The following EPHB4 variants were observed in gnomAD, a reference collection of about 807,000 sequenced individuals.
EPHB4 encodes EPH receptor B4.
A neutral mutation model predicts 110.6 loss-of-function variants in EPHB4; 50 were observed. The ratio of observed to expected loss-of-function variants is 0.45; its 90% CI spans 0.36 to 0.57. The LOEUF is 0.57. Among genes scored for constraint, EPHB4 ranks in the 20% least tolerant of loss-of-function variants. The pLI is 0.00. For missense variants in EPHB4, 1,128 were observed against 1,382.1 expected, an observed-to-expected ratio of 0.82 and a Z score of 2.91; for synonymous variants, 592 against 578.4, an observed-to-expected ratio of 1.02 and a Z score of -0.34.
In EPHB4 at chr7:100,820,306, A is replaced by T. The variant is rs2116452434; in HGVS notation, c.809-10T>A. On this transcript the variant is annotated splice_polypyrimidine_tract_variant and intron_variant, in intron 4 of 16. Transcript: ENST00000358173. Reference sequence around the variant, plus strand: ...GTGCCCTGGGCACAGGCTGAGAGAGAGAAAGCATTCATCAAAAGCATGCAC... The same window carrying T: ...GTGCCCTGGGCACAGGCTGAGAGAGTGAAAGCATTCATCAAAAGCATGCAC... The T allele has an allele frequency of 6.2e-7, 1 of 1,612,538 alleles. No individual in the cohort carries two copies. Among genetic ancestry groups the T allele is most frequent in the Non-Finnish European group, 8.5e-7 (1 of 1,179,542 alleles).
At chr7:100,808,466 A>G (rs1490446260) in intron 12 of EPHB4, among the ~76,000 whole-genome samples, 1 of 152,098 alleles carries the variant, frequency 6.6e-6, no homozygotes, top group Non-Finnish European at 1.5e-5. Context: ...GCCTCAAGCA[A>G]TCTTCCCACC....
At position 100,818,607 on chromosome 7, in the gene EPHB4, G is replaced by C. The variant is rs995055863; in HGVS notation, c.1335C>G (p.Ser445=). 1.9e-6 allele frequency: 3 copies of C among 1,612,884 alleles called. No homozygotes were observed. Among genetic ancestry groups the C allele is most frequent in the Non-Finnish European group, 8.5e-7 (1 of 1,180,004 alleles). The change falls in exon 7 of 17, where the codon TCC becomes TCG. Residue 445 remains serine, a synonymous_variant. Transcript: ENST00000358173. The stretch of plus-strand genomic sequence containing the variant: ...AGGCCAGGCTCAAGCTGCTGGGTGA[G>C]GACCGCGTCACCCGGATGTCAGACA... ...PAVSDIRVTR[S]SPSSLSLAWA...
At chr7:100,815,983 T>C (rs1813056952) in intron 8 of EPHB4, among the ~76,000 whole-genome samples, 1 of 149,536 alleles carries the variant, frequency 6.7e-6, no homozygotes, top group Non-Finnish European at 1.5e-5. Flanking sequence ...AAAGACCGTG[T>C]CTCTTAAAAA....
In EPHB4 at chr7:100,822,019, G is replaced by A. The variant is rs555300278; in HGVS notation, c.808+252C>T. ...CTACTAAAATACAAAAATTAGCCGG[G>A]CGTGGTGGCGTGTGCCTGTAGTCCC... On this transcript the variant is annotated intron_variant, in intron 4 of 16. Transcript: ENST00000358173. The surrounding 1 kb of genome is among the most constrained non-coding windows in gnomAD (Gnocchi z 4.7). Among the ~76,000 whole-genome samples, 31 of 152,142 alleles carry A rather than the reference G, an allele frequency of 2.0e-4. No individual in the cohort carries two copies. Among genetic ancestry groups the A allele is most frequent in the Non-Finnish European group, 2.1e-4 (14 of 68,028 alleles).
At chr7:100,816,570 G>C (rs1172913720) in intron 8 of EPHB4, among the ~76,000 whole-genome samples, 1 of 151,148 alleles carries the variant, frequency 6.6e-6, no homozygotes, top group Admixed American at 6.6e-5. Flanking sequence ...CTGACCTCAA[G>C]TGATCCTCCT....
Position 100,812,771 on chromosome 7 carries a change from G to C in EPHB4, c.2094C>G (p.Asn698Lys). The C allele has an allele frequency of 6.2e-7, 1 of 1,613,956 alleles. No homozygotes were observed. The highest frequency in any genetic ancestry group is 8.5e-7 in the Non-Finnish European group (1 of 1,180,026). ...PVMILTEFME[N>K]GALDSFLRLN... ...CCCGCAGGAAGGAGTCCAGGGCGCC[G>C]TTCTCCATGAACTCTGTGAGAATCA... The change falls in exon 12 of 17, where the codon AAC becomes AAG. Residue 698 changes from asparagine (N) to lysine (K), a missense_variant. Physicochemically the swap from Asn to Lys is moderately conservative, Grantham distance 94. Transcript: ENST00000358173.
chr7:100,806,636 C>A, intron 13 of EPHB4, 67 bp from the exon 14 acceptor site: 1 of 1,513,052 alleles, frequency 6.6e-7, no homozygotes. Flanking sequence ...CAGCACACTG[C>A]CCCCCAGTCC....
At chr7:100,815,343 C>T (rs1813043287) in intron 8 of EPHB4, among the ~76,000 whole-genome samples, 1 of 151,748 alleles carries the variant, frequency 6.6e-6, no homozygotes, top group Non-Finnish European at 1.5e-5. Flanking sequence ...AAAAAACAAA[C>T]CACAACCAAA....
In EPHB4 at chr7:100,819,541, A is replaced by C; in HGVS notation, c.1297+16T>G. ...CTCCCGCCAGACCACCAGCCGCCCC[A>C]GCCCCCAAGTCTCACCCTCTCGGTC... is the stretch of plus-strand genomic sequence containing the variant. On this transcript the variant is annotated intron_variant, in intron 6 of 16. Coordinates refer to ENST00000358173, the MANE Select transcript of EPHB4 (RefSeq NM_004444.5). The C allele has an allele frequency of 6.5e-7, 1 of 1,536,826 alleles. No individual in the cohort carries two copies. Among genetic ancestry groups the C allele is most frequent in the Non-Finnish European group, 8.8e-7 (1 of 1,138,034 alleles).
At position 100,827,134 on chromosome 7, in the gene EPHB4, C is replaced by G; in HGVS notation, c.-104G>C. ...GTGGACGCCGATACTCCGCGCGGGACTCCTCGTCGGGGCCCTCAGCGCGGG... is the reference window on the plus strand; with the variant it reads ...GTGGACGCCGATACTCCGCGCGGGAGTCCTCGTCGGGGCCCTCAGCGCGGG... On this transcript the variant is annotated 5_prime_UTR_variant, in exon 1 of 17. Coordinates refer to ENST00000358173, the MANE Select transcript of EPHB4 (RefSeq NM_004444.5). 7.6e-7 allele frequency: 1 copy of G among 1,308,426 alleles called. No homozygotes were observed. The allele number at this position is 1,308,426 out of a possible 1,614,324, so 81.1% of individuals were successfully genotyped here.
rs747346450 is a variant in EPHB4 at position 100,819,698 on chromosome 7, G to A, written c.1156C>T (p.Leu386=). 3.1e-6 allele frequency: 5 copies of A among 1,613,572 alleles called. No individual in the cohort carries two copies. The highest frequency in any genetic ancestry group is 4.2e-6 in the Non-Finnish European group (5 of 1,179,960). ...CGAACCACCACCCAGGGCTCCACCA[G>A]GTCCCGGGGGCCGGGGTCAAAAGTC... The part of the protein sequence containing the change: ...DLTFDPGPRD[L]VEPWVVVRGL... Residue 386 remains leucine (L), a synonymous_variant, in exon 6 of 17, where the codon CTG becomes TTG. Transcript: ENST00000358173.
chr7:100,819,287 A>AT (rs1813159322), intron 6 of EPHB4, among the ~76,000 whole-genome samples: 1 of 109,270 alleles, frequency 9.2e-6, no homozygotes. Flanking sequence ...TAATATTTTT[A>AT]TTTTTTGTAG....
chr7:100,817,312 T>A lies in EPHB4; in HGVS notation c.1468A>T (p.Asn490Tyr). The change falls in exon 8 of 17, where the codon AAC becomes TAC. Residue 490 changes from asparagine (N) to tyrosine (Y), a missense_variant. Physicochemically the swap from Asn to Tyr is moderately radical, Grantham distance 143. Around this residue, in one of 3 missense-constraint regions of EPHB4, gnomAD observed 728 missense variants for 828.6 expected, o/e 0.88. Coordinates refer to ENST00000358173, the MANE Select transcript of EPHB4 (RefSeq NM_004444.5). ...SSVRFLKTSE[N>Y]RAELRGLKRG... ...TTCAGCCCCCGCAGCTCTGCCCGGT[T>A]TTCTGACGTCTTCAGGAACCGCACG... 1 of 1,590,982 alleles carries A rather than the reference T, an allele frequency of 6.3e-7. No homozygotes were observed. The highest frequency in any genetic ancestry group is 8.5e-7 in the Non-Finnish European group (1 of 1,169,704).
At position 100,802,659 on chromosome 7, in the gene EPHB4, C is replaced by T. The variant is rs1350360687; in HGVS notation, c.*802G>A. Reference sequence around the variant, plus strand: ...AAGAACCCCTCCAAGCACCGGCGTCCGTTTCTGGGTTCCACCACCAACTAC... The same window carrying T: ...AAGAACCCCTCCAAGCACCGGCGTCTGTTTCTGGGTTCCACCACCAACTAC... On this transcript the variant is annotated 3_prime_UTR_variant, in exon 17 of 17. Transcript: ENST00000358173. 1 of 152,202 alleles carries T rather than the reference C, an allele frequency of 6.6e-6. No homozygotes were observed. Among genetic ancestry groups the T allele is most frequent in the African/African-American group, 2.4e-5 (1 of 41,450 alleles). 9.4% of individuals were successfully genotyped at this position (152,202 alleles called of 1,614,324 possible).
At chr7:100,820,327 T>G (rs775278823) in intron 4 of EPHB4, 31 bp from the exon 5 acceptor site, 1 of 1,608,340 alleles carries the variant, frequency 6.2e-7, no homozygotes, top group Non-Finnish European at 8.5e-7. Flanking sequence ...ATCAAAAGCA[T>G]GCACAAAAAC....
Position 100,806,435 on chromosome 7 carries a change from G to A in EPHB4, c.2469C>T (p.Asp823=), listed in dbSNP as rs1562967150. The A allele has an allele frequency of 3.7e-6, 6 of 1,613,760 alleles. No homozygotes were observed. Among genetic ancestry groups the A allele is most frequent in the South Asian group, 2.2e-5 (2 of 91,040 alleles). Reference sequence around the variant, plus strand: ...GGACACTTACGTCCTGATTGCTCATGTCCCAGTACGGCCTCTCCCCAAATG... The same window carrying A: ...GGACACTTACGTCCTGATTGCTCATATCCCAGTACGGCCTCTCCCCAAATG... The part of the protein sequence containing the change: ...VMSFGERPYW[D]MSNQDVINAI... The change falls in exon 14 of 17, where the codon GAC becomes GAT. Residue 823 remains aspartate, a synonymous_variant. Coordinates refer to ENST00000358173, the MANE Select transcript of EPHB4 (RefSeq NM_004444.5).
chr7:100,805,645 C>T lies in EPHB4; in HGVS notation c.2534G>A (p.Cys845Tyr). The T allele has an allele frequency of 6.5e-7, 1 of 1,546,948 alleles. No homozygotes were observed. The highest frequency in any genetic ancestry group is 8.7e-7 in the Non-Finnish European group (1 of 1,149,226). ...CATGAGCTGGTGGAGGGAGGTGGGA[C>T]AGTCTGGGGGCGGGGGCAGCCGGTA... Reference protein sequence around the residue: ...QDYRLPPPPDCPTSLHQLMLD... With the variant: ...QDYRLPPPPDYPTSLHQLMLD... The change falls in exon 15 of 17, where the codon TGT (cysteine) becomes TAT (tyrosine). Residue 845 changes from cysteine (C) to tyrosine (Y), a missense_variant. This residue lies in a region of EPHB4 where 209 missense variants were observed against 240.5 expected (regional missense o/e 0.87). Coordinates refer to ENST00000358173, the MANE Select transcript of EPHB4 (RefSeq NM_004444.5).
chr7:100,820,348 A>C (rs1211576940), intron 4 of EPHB4, 52 bp from the exon 5 acceptor site: 1 of 1,577,368 alleles, frequency 6.3e-7, no homozygotes, highest in Non-Finnish European at 8.6e-7. Context: ...ATCCATCTGC[A>C]CGGTGGGCTC....
chr7:100,826,988 C>T lies in EPHB4; in HGVS notation c.43G>A (p.Ala15Thr). 1 of 1,565,998 alleles carries T rather than the reference C, an allele frequency of 6.4e-7. No homozygotes were observed. Residue 15 changes from alanine (A) to threonine (T), a missense_variant, in exon 1 of 17, where the codon GCT (alanine) becomes ACT (threonine). Transcript: ENST00000358173. ...CCGCAAGGAAACTCACCTTCCAAAG[C>T]TGCGGCCAACGAAGCCCAGCAGAGC... ...VLLCWASLAA[A>T]LEETLLNTKL... is the part of the protein sequence containing the mutation.
Sources: allele counts gnomAD v4.1 joint callset (sites outside exome capture counted in the v4.1 genomes callset), GRCh38; gene constraint gnomAD v4.1.1; regional missense constraint gnomAD v4.1.1; non-coding constraint Gnocchi (gnomAD v3.1); transcripts MANE v1.5; gene names NCBI Gene and HGNC (gene_info 2026-07-23, HGNC 2026-07-21).